RBM20: variants seen among roughly 807,000 people sequenced by gnomAD.
RBM20 encodes RNA-binding protein 20.
RBM20 carries 51 observed loss-of-function variants against 110.1 expected under a neutral mutation model. The observed-to-expected ratio is 0.46, with a 90% CI of 0.37 to 0.59. The LOEUF is 0.59. Among genes scored for constraint, RBM20 ranks in the 20% least tolerant of loss-of-function variants. The pLI is 0.00. For synonymous variants in RBM20, 589 were observed against 618.2 expected (o/e 0.95, Z 0.70); for missense variants, 1,512 against 1,574.9 (o/e 0.96, Z 0.68).
intron 1 of RBM20, among the ~76,000 whole-genome samples, chr10:110,663,561 G>A (rs1214317221): frequency 6.6e-6 from 1 of 152,150 alleles, no homozygotes; most frequent in East Asian, 1.9e-4. Context: ...TGGGTCAGAG[G>A]TAGAAGCTAG....
intron 6 of RBM20, among the ~76,000 whole-genome samples, chr10:110,799,417 G>A (rs894680293): frequency 6.6e-6 from 1 of 152,116 alleles, no homozygotes; most frequent in African/African-American, 2.4e-5. Context: ...TTGAACAGAT[G>A]GGATCAAAGA....
At chr10:110,725,004 C>G (rs1235774080) in intron 1 of RBM20, among the ~76,000 whole-genome samples, 1 of 152,190 alleles carries the variant, frequency 6.6e-6, no homozygotes, top group Non-Finnish European at 1.5e-5. Flanking sequence ...CAAGTTACTG[C>G]AAAGTGGACT....
In RBM20 at chr10:110,736,129, A is replaced by G. The variant is rs1007417772; in HGVS notation, c.192-44672A>G. On this transcript the variant is annotated intron_variant, in intron 1 of 13. Coordinates refer to ENST00000369519, the MANE Select transcript of RBM20 (RefSeq NM_001134363.3). Reference sequence around the variant, plus strand: ...TTTTTGGCAGCAAATCTCAAATAACATGTATTTAGGATTACAAAGTCACAG... The same window carrying G: ...TTTTTGGCAGCAAATCTCAAATAACGTGTATTTAGGATTACAAAGTCACAG... Among the ~76,000 whole-genome samples, 8 of 152,220 alleles carry G rather than the reference A, an allele frequency of 5.3e-5. No individual in the cohort carries two copies. In the East Asian group the frequency reaches 5.8e-4, roughly 11 times the overall value.
chr10:110,719,760 T>C (rs1477395276), intron 1 of RBM20, among the ~76,000 whole-genome samples: 1 of 152,236 alleles, frequency 6.6e-6, no homozygotes, highest in African/African-American at 2.4e-5. Flanking sequence ...GTCATCTTTG[T>C]CTTAGTTTCT....
chr10:110,677,975 C>T (rs1168368993), intron 1 of RBM20, among the ~76,000 whole-genome samples: 2 of 152,208 alleles, frequency 1.3e-5, no homozygotes, highest in South Asian at 2.1e-4. Context: ...ATTTACTGAA[C>T]ACCTATTATG....
chr10:110,702,467 T>C (rs781232253), intron 1 of RBM20, among the ~76,000 whole-genome samples: 31 of 152,118 alleles, frequency 2.0e-4, no homozygotes, highest in Admixed American at 5.9e-4. Context: ...GCCCAGGAGT[T>C]TGGGGCTGTA....
At chr10:110,707,126 C>T (rs1351849161) in intron 1 of RBM20, among the ~76,000 whole-genome samples, 1 of 152,080 alleles carries the variant, frequency 6.6e-6, no homozygotes, top group African/African-American at 2.4e-5. Context: ...CTTTCTTTTC[C>T]CTTTTTAAAG....
chr10:110,778,888 T>A (rs1844301347), intron 1 of RBM20, among the ~76,000 whole-genome samples: 1 of 152,222 alleles, frequency 6.6e-6, no homozygotes, highest in Non-Finnish European at 1.5e-5. Flanking sequence ...ATAGGTCACA[T>A]GAAAGACACA....
chr10:110,698,329 A>G (rs1862700819), intron 1 of RBM20, among the ~76,000 whole-genome samples: 1 of 152,162 alleles, frequency 6.6e-6, no homozygotes, highest in Admixed American at 6.5e-5. Flanking sequence ...GACACACAGG[A>G]GGTGGGCTGG....
At chr10:110,664,562 C>T (rs185795744) in intron 1 of RBM20, among the ~76,000 whole-genome samples, 92 of 152,100 alleles carry the variant, frequency 6.0e-4, no homozygotes, top group African/African-American at 2.1e-3. Context: ...GCCTGACCAA[C>T]GTGGTGAAAA....
At chr10:110,678,734 A>C (rs1482514239) in intron 1 of RBM20, among the ~76,000 whole-genome samples, 1 of 152,218 alleles carries the variant, frequency 6.6e-6, no homozygotes. Flanking sequence ...ATTTTATTAC[A>C]GAAGCAGTGG....
In RBM20 at chr10:110,839,334, C is replaced by T. The variant is rs776037761; in HGVS notation, c.*3356C>T. The T allele has an allele frequency of 3.9e-5, 6 of 152,108 alleles. No individual in the cohort carries two copies. Among genetic ancestry groups the T allele is most frequent in the Non-Finnish European group, 8.8e-5 (6 of 68,004 alleles). The allele number at this position is 152,108 out of a possible 1,614,324, so 9.4% of individuals were successfully genotyped here. On this transcript the variant is annotated 3_prime_UTR_variant, in exon 14 of 14. Coordinates refer to ENST00000369519, the MANE Select transcript of RBM20 (RefSeq NM_001134363.3). ...ACCAAAACACTAAGTTAAGTTTGAACTTGTAAAGTATTGAAATTTGTTGAG... is the reference window on the plus strand; with the variant it reads ...ACCAAAACACTAAGTTAAGTTTGAATTTGTAAAGTATTGAAATTTGTTGAG...
intron 1 of RBM20, among the ~76,000 whole-genome samples, chr10:110,707,211 G>A (rs1029169968): frequency 6.6e-6 from 1 of 152,220 alleles, no homozygotes; most frequent in Non-Finnish European, 1.5e-5. Context: ...AATTAGAAGT[G>A]TATTAGAAAA....
chr10:110,803,519 A>C (rs1302696323), intron 7 of RBM20, among the ~76,000 whole-genome samples: 1 of 152,178 alleles, frequency 6.6e-6, no homozygotes, highest in Non-Finnish European at 1.5e-5. Flanking sequence ...GCGTATTTCT[A>C]ACGAGGTCCC....
chr10:110,749,383 G>T (rs1843824728), intron 1 of RBM20, among the ~76,000 whole-genome samples: 1 of 151,862 alleles, frequency 6.6e-6, no homozygotes, highest in Non-Finnish European at 1.5e-5. Context: ...AAAAGATACA[G>T]TTCACAATAA....
At chr10:110,691,056 G>C (rs1862579119) in intron 1 of RBM20, among the ~76,000 whole-genome samples, 1 of 152,204 alleles carries the variant, frequency 6.6e-6, no homozygotes, top group East Asian at 1.9e-4. Flanking sequence ...GGAGGCTGTG[G>C]AGCCCTCTTG....
chr10:110,738,383 C>T (rs1843693547), intron 1 of RBM20, among the ~76,000 whole-genome samples: 1 of 152,084 alleles, frequency 6.6e-6, no homozygotes, highest in Non-Finnish European at 1.5e-5. Flanking sequence ...TGGCCTGCTG[C>T]CTGGGAAAAT....
At chr10:110,718,626 T>C (rs1843465412) in intron 1 of RBM20, among the ~76,000 whole-genome samples, 5 of 148,826 alleles carry the variant, frequency 3.4e-5, no homozygotes, top group South Asian at 2.2e-4. Flanking sequence ...TTTTTTCTTT[T>C]TTTTTTTTTT....
At chr10:110,701,474 G>A (rs1429738541) in intron 1 of RBM20, among the ~76,000 whole-genome samples, 1 of 152,180 alleles carries the variant, frequency 6.6e-6, no homozygotes, top group African/African-American at 2.4e-5. Context: ...CCGTGTATGA[G>A]CCGGAGATTT....
Sources: gnomAD v4.1 joint callset for allele counts (sites outside exome capture counted in the v4.1 genomes callset) on GRCh38, gnomAD v4.1.1 for gene constraint, MANE v1.5 for transcripts, NCBI Gene and HGNC (gene_info 2026-07-23, HGNC 2026-07-21) for gene names.